The following UTRN variants were observed in gnomAD, a reference collection of about 807,000 sequenced individuals.
The protein encoded by UTRN is dystrophin-related protein 1.
Under a neutral mutation model 463.9 loss-of-function variants are expected in UTRN, and 283 were observed. The observed-to-expected ratio is 0.61, with a 90% CI of 0.55 to 0.67. The LOEUF (loss-of-function observed/expected upper bound fraction) is 0.67. UTRN is among the 30% of genes least tolerant of loss of function. UTRN has a pLI of 0.00. For synonymous variants in UTRN, 1,442 were observed against 1,431.5 expected (o/e 1.01, Z -0.17); for missense variants, 3,922 against 4,084.3 (o/e 0.96, Z 1.08).
chr6:144,749,127 A>G (rs541028579), intron 55 of UTRN, among the ~76,000 whole-genome samples: 2 of 152,292 alleles, frequency 1.3e-5, no homozygotes, highest in South Asian at 2.1e-4. Flanking sequence ...AAAGCTATGG[A>G]TGTTAGACTT....
chr6:144,642,430 G>C (rs1777867009), intron 51 of UTRN, among the ~76,000 whole-genome samples: 1 of 151,998 alleles, frequency 6.6e-6, no homozygotes, highest in Admixed American at 6.6e-5. Flanking sequence ...CTAATCCCAA[G>C]AGGCAAAAGT....
intron 65 of UTRN, among the ~76,000 whole-genome samples, chr6:144,803,965 A>G (rs775524360): frequency 3.3e-5 from 5 of 152,050 alleles, no homozygotes; most frequent in Non-Finnish European, 5.9e-5. Context: ...TAAAGTTTCA[A>G]TTTTACTAAG....
chr6:144,731,197 A>G (rs527404485), intron 54 of UTRN, among the ~76,000 whole-genome samples: 29 of 152,194 alleles, frequency 1.9e-4, no homozygotes, highest in African/African-American at 7.0e-4. Flanking sequence ...ACATTTGTTT[A>G]ATTTAAAAAT....
intron 64 of UTRN, among the ~76,000 whole-genome samples, chr6:144,798,782 C>T (rs1158169542): frequency 2.0e-5 from 3 of 152,240 alleles, no homozygotes; most frequent in African/African-American, 7.2e-5. Context: ...CACTCTGTCA[C>T]CCAAGCTGGT....
At chr6:144,308,341 C>A (rs57632768) in intron 2 of UTRN, among the ~76,000 whole-genome samples, 1 of 152,128 alleles carries the variant, frequency 6.6e-6, no homozygotes, top group African/African-American at 2.4e-5. Flanking sequence ...TGAATTTAAG[C>A]GTCCCATTTT....
At chr6:144,357,025 G>C (rs1778621172) in intron 2 of UTRN, among the ~76,000 whole-genome samples, 1 of 152,128 alleles carries the variant, frequency 6.6e-6, no homozygotes, top group South Asian at 2.1e-4. Context: ...CCCATAGCCT[G>C]TTGTAGGAAG....
At chr6:144,558,827 A>G (rs117637113) in intron 50 of UTRN, among the ~76,000 whole-genome samples, 6,382 of 152,128 alleles carry the variant, frequency 0.042, 169 homozygotes, top group Middle Eastern at 0.085. Flanking sequence ...AGGCACCCCA[A>G]TATTAGAACA....
At position 144,474,623 on chromosome 6, in the gene UTRN, A is replaced by G; in HGVS notation, c.3200A>G (p.Glu1067Gly). ...DQCSAFVNEI[E>G]TIESSLKNMK... ...GTTTAGGCATTTGTTAATGAAATAG[A>G]AACAATTGAATCATCTCTGAAAAAC... Residue 1067 changes from glutamate to glycine, a missense_variant, in exon 25 of 75, where the codon GAA (glutamate) becomes GGA (glycine). Around this residue, in one of 3 missense-constraint regions of UTRN, gnomAD observed 2,349 missense variants for 2,303.8 expected, o/e 1.02. Coordinates refer to ENST00000367545, the MANE Select transcript of UTRN (RefSeq NM_007124.3). 3.7e-6 allele frequency: 6 copies of G among 1,613,114 alleles called. No individual in the cohort carries two copies. The highest frequency in any genetic ancestry group is 4.2e-6 in the Non-Finnish European group (5 of 1,179,664).
intron 54 of UTRN, among the ~76,000 whole-genome samples, chr6:144,746,413 GT>G (rs1790748631): frequency 6.6e-6 from 1 of 152,146 alleles, no homozygotes; most frequent in Admixed American, 6.6e-5. Context: ...CATGTTGCAT[GT>G]TTTAGGGCTT....
intron 51 of UTRN, among the ~76,000 whole-genome samples, chr6:144,665,463 T>C (rs972221594): frequency 1.3e-5 from 2 of 152,240 alleles, no homozygotes; most frequent in Non-Finnish European, 2.9e-5. Context: ...GTAGCTTGAC[T>C]GTGAAACATT....
At chr6:144,835,283 T>C (rs1405585242) in intron 69 of UTRN, among the ~76,000 whole-genome samples, 1 of 152,222 alleles carries the variant, frequency 6.6e-6, no homozygotes, top group East Asian at 1.9e-4. Flanking sequence ...ACATTATAAA[T>C]ATCTACAATT....
intron 69 of UTRN, among the ~76,000 whole-genome samples, chr6:144,832,625 A>T (rs976584197): frequency 6.6e-6 from 1 of 152,308 alleles, no homozygotes; most frequent in African/African-American, 2.4e-5. Context: ...GAGGAACTCT[A>T]CGCCAGGATC....
chr6:144,820,822 TATAG>T, intron 65 of UTRN, 56 bp from the exon 66 acceptor site: 1 of 1,559,088 alleles, frequency 6.4e-7, no homozygotes, highest in African/African-American at 1.4e-5. Context: ...CTGATTTTGT[TATAG>T]ATAGTTATTG....
intron 51 of UTRN, among the ~76,000 whole-genome samples, chr6:144,667,053 A>ACTT (rs201512423): frequency 1.4e-5 from 2 of 147,070 alleles, no homozygotes; most frequent in Non-Finnish European, 3.0e-5. Context: ...TCCTCCTTCT[A>ACTT]CTTCTTCTTC....
intron 51 of UTRN, among the ~76,000 whole-genome samples, chr6:144,630,569 C>T (rs936479835): frequency 1.3e-5 from 2 of 152,136 alleles, no homozygotes; most frequent in African/African-American, 4.8e-5. Flanking sequence ...AAAAACCTTT[C>T]CCCCTGATTC....
chr6:144,750,315 C>T (rs932568904), intron 55 of UTRN, among the ~76,000 whole-genome samples: 5 of 152,126 alleles, frequency 3.3e-5, no homozygotes, highest in East Asian at 1.9e-4. Flanking sequence ...ATTAAAATGC[C>T]GAATCTGCAG....
chr6:144,463,390 C>G (rs1171177216), intron 23 of UTRN, among the ~76,000 whole-genome samples: 2 of 151,972 alleles, frequency 1.3e-5, no homozygotes, highest in African/African-American at 4.8e-5. Flanking sequence ...ACAGATGCAG[C>G]AGTGATAAAG....
rs376561069 is a variant in UTRN at position 144,514,574 on chromosome 6, C to T, written c.5074-76C>T. ...CCAGATATTTATTTAAACTACCTTT[C>T]CTTCTGTATAAGCATCACACTCATG... On this transcript the variant is annotated intron_variant, in intron 36 of 74. Coordinates refer to ENST00000367545, the MANE Select transcript of UTRN (RefSeq NM_007124.3). The T allele has an allele frequency of 1.2e-4, 170 of 1,441,740 alleles. 2 individuals carry two copies. The East Asian group carries it at 2.1e-3, about 18-fold the overall frequency. The allele number at this position is 1,441,740 out of a possible 1,614,324, so 89.3% of individuals were successfully genotyped here.
rs534650176 is a variant in UTRN, at chr6:144,451,257, G to A, written c.2073-113G>A. 1.6e-5 allele frequency: 20 copies of A among 1,260,788 alleles called. No homozygotes were observed. The South Asian group carries it at 3.7e-4, about 23-fold the overall frequency. The allele number at this position is 1,260,788 out of a possible 1,614,324, so 78.1% of individuals were successfully genotyped here. On this transcript the variant is annotated intron_variant, in intron 17 of 74. Transcript: ENST00000367545. ...ACCCTATTTCTGGGTTGCTGTTTTTGGGGGAGTGATAAAAAGACATATTCC... is the reference window on the plus strand; with the variant it reads ...ACCCTATTTCTGGGTTGCTGTTTTTAGGGGAGTGATAAAAAGACATATTCC...
Sources: gnomAD v4.1 joint callset for allele counts (sites outside exome capture counted in the v4.1 genomes callset) on GRCh38, gnomAD v4.1.1 for gene constraint, gnomAD v4.1.1 regional missense constraint, MANE v1.5 for transcripts, NCBI Gene and HGNC (gene_info 2026-07-23, HGNC 2026-07-21) for gene names.